Variants in CASZ1 observed in about 807,000 individuals in gnomAD.
CASZ1 encodes the protein castor zinc finger 1.
Under a neutral mutation model 135.2 loss-of-function variants are expected in CASZ1, and 28 were observed. The ratio of observed to expected loss-of-function variants is 0.21; its 90% CI spans 0.15 to 0.28. CASZ1 has a LOEUF of 0.28. CASZ1 is among the 10% of genes least tolerant of loss of function. CASZ1 has a pLI of 1.00. For missense variants in CASZ1, 2,161 were observed against 2,453.3 expected (o/e 0.88, Z 2.52); for synonymous variants, 1,068 against 1,073.4 (o/e 0.99, Z 0.10).
rs117454892 is a variant in CASZ1, at chr1:10,679,241, G to A, written c.17-13670C>T. ...CTGGGAGCCTGCTGCCCTGCCAAAG[G>A]GCCCCTGCTGCCTCCAGGACAGAGC... On this transcript the variant is annotated intron_variant, in intron 4 of 20. Coordinates refer to ENST00000377022, the MANE Select transcript of CASZ1 (RefSeq NM_001079843.3). This position sits in a 1 kb window ranked among gnomAD's most constrained non-coding sequence, Gnocchi z 4.7. Among the ~76,000 whole-genome samples the A allele has an allele frequency of 9.1e-3, 1,379 of 152,294 alleles. 21 individuals carry two copies. Among genetic ancestry groups the A allele is most frequent in the East Asian group, 0.04 (209 of 5,180 alleles).
chr1:10,783,378 C>T (rs1570589577), intron 1 of CASZ1, among the ~76,000 whole-genome samples: 1 of 151,532 alleles, frequency 6.6e-6, no homozygotes. Context: ...CATTCCAGGG[C>T]AGTTCCAAGT....
rs1427805536 is a variant in CASZ1 at position 10,649,369 on chromosome 1, A to C, written c.2949T>G (p.Ala983=). ...NIKAEAEGSP[A]AEPSPFLGKA... ...TGCCTAGGAAGGGCGAGGGCTCCGC[A>C]GCGGGGCTCCCCTCCGCTTCCGCCT... The change falls in exon 14 of 21, where the codon GCT becomes GCG. Residue 983 remains alanine, a synonymous_variant. Transcript: ENST00000377022. 6.2e-7 allele frequency: 1 copy of C among 1,606,588 alleles called. No individual in the cohort carries two copies. Among genetic ancestry groups the C allele is most frequent in the Admixed American group, 1.7e-5 (1 of 59,172 alleles).
At chr1:10,768,519 A>G (rs578159928) in intron 1 of CASZ1, among the ~76,000 whole-genome samples, 2 of 152,146 alleles carry the variant, frequency 1.3e-5, no homozygotes, top group South Asian at 2.1e-4. Context: ...CACCTGGCCT[A>G]TTGTTCATTT....
Position 10,653,637 on chromosome 1 carries a change from C to A in CASZ1, c.2420G>T (p.Gly807Val). 1.3e-6 allele frequency: 2 copies of A among 1,549,864 alleles called. No individual in the cohort carries two copies. The highest frequency in any genetic ancestry group is 1.7e-6 in the Non-Finnish European group (2 of 1,147,276). The change falls in exon 11 of 21, where the codon GGC (glycine) becomes GTC (valine). Residue 807 changes from glycine (G) to valine (V), a missense_variant. Physicochemically the swap from Gly to Val is moderately radical, Grantham distance 109. Coordinates refer to ENST00000377022, the MANE Select transcript of CASZ1 (RefSeq NM_001079843.3). ...CACAGGCAGGGAGGTGCTCCCACGG[C>A]CAGCCAGTATGGGGAAGTAGGGCGT... ...TPTPYFPILAGRGSTSLPVGT... is the reference protein window; with the variant it reads ...TPTPYFPILAVRGSTSLPVGT...
At chr1:10,689,305 G>A (rs1003844499) in intron 4 of CASZ1, among the ~76,000 whole-genome samples, 6 of 152,330 alleles carry the variant, frequency 3.9e-5, no homozygotes, top group African/African-American at 1.4e-4. Context: ...CCACTTTCAC[G>A]AGGAGATGCC....
chr1:10,789,888 T>C (rs1415212393), intron 1 of CASZ1, among the ~76,000 whole-genome samples: 1 of 152,196 alleles, frequency 6.6e-6, no homozygotes, highest in African/African-American at 2.4e-5. Context: ...AACGCTTGAT[T>C]AATTTTTGCA....
chr1:10,653,523 C>T lies in CASZ1; in HGVS notation c.2534G>A (p.Gly845Glu), dbSNP rs1388105617. 1.9e-6 allele frequency: 3 copies of T among 1,607,096 alleles called. No individual in the cohort carries two copies. The highest frequency in any genetic ancestry group is 1.7e-4 in the Middle Eastern group (1 of 6,040). ...DTPTLVASGAGDSAPVAAASV... is the reference protein window; with the variant it reads ...DTPTLVASGAEDSAPVAAASV... ...GGCGGCAGCCACGGGGGCTGAGTCTCCAGCTCCCGAGGCGACCAGCGTGGG... is the reference window on the plus strand; with the variant it reads ...GGCGGCAGCCACGGGGGCTGAGTCTTCAGCTCCCGAGGCGACCAGCGTGGG... Residue 845 changes from glycine to glutamate, a missense_variant, in exon 11 of 21, where the codon GGA (glycine) becomes GAA (glutamate). Transcript: ENST00000377022.
Position 10,647,970 on chromosome 1 carries a change from C to T in CASZ1, c.3328G>A (p.Val1110Met), listed in dbSNP as rs1445358610. The part of the protein sequence containing the change: ...LEGPAPSPAS[V>M]PSTPTLLAWK... The stretch of plus-strand genomic sequence containing the variant: ...GCGAGCAGGGTGGGGGTGGAGGGCA[C>T]GGAGGCCGGGCTGGGAGCGGGCCCC... Residue 1110 changes from valine (V) to methionine (M), a missense_variant, in exon 16 of 21, where the codon GTG (valine) becomes ATG (methionine). This residue lies in a region of CASZ1 where 349 missense variants were observed against 460.8 expected (regional missense o/e 0.76). Transcript: ENST00000377022. The surrounding 1 kb of genome is among the most constrained non-coding windows in gnomAD (Gnocchi z 4.9). 9 of 1,608,510 alleles carry T rather than the reference C, an allele frequency of 5.6e-6. No individual in the cohort carries two copies. Among genetic ancestry groups the T allele is most frequent in the East Asian group, 2.2e-5 (1 of 44,754 alleles).
intron 1 of CASZ1, among the ~76,000 whole-genome samples, chr1:10,770,097 T>G (rs1384336767): frequency 2.6e-5 from 4 of 152,180 alleles, no homozygotes; most frequent in Non-Finnish European, 5.9e-5. Flanking sequence ...TTTTCTTTCT[T>G]TTTTTGAGAC....
intron 2 of CASZ1, among the ~76,000 whole-genome samples, chr1:10,742,015 C>T (rs764088370): frequency 5.9e-5 from 9 of 152,144 alleles, no homozygotes; most frequent in Middle Eastern, 3.2e-3. Context: ...AACCCCACCA[C>T]GGCTGCTCGG....
chr1:10,712,756 G>T (rs1449800244), intron 2 of CASZ1, among the ~76,000 whole-genome samples: 1 of 152,190 alleles, frequency 6.6e-6, no homozygotes, highest in African/African-American at 2.4e-5. Context: ...GCACCCCCGC[G>T]GGCTGCCGTT....
At chr1:10,779,739 T>C (rs1016089472) in intron 1 of CASZ1, among the ~76,000 whole-genome samples, 8 of 152,250 alleles carry the variant, frequency 5.3e-5, no homozygotes, top group Non-Finnish European at 1.2e-4. Context: ...TTCACTCATA[T>C]AATAAACATT....
chr1:10,746,152 C>A (rs1032638876), intron 2 of CASZ1, among the ~76,000 whole-genome samples: 2 of 152,232 alleles, frequency 1.3e-5, no homozygotes, highest in East Asian at 3.9e-4. Context: ...TTCCCGCTGT[C>A]CAGGCCTCTG....
intron 4 of CASZ1, among the ~76,000 whole-genome samples, chr1:10,687,658 G>C (rs893035623): frequency 2.6e-5 from 4 of 152,240 alleles, no homozygotes; most frequent in African/African-American, 7.2e-5. Context: ...GTCTGCTCAG[G>C]AGGAGAGAGA....
rs527534026 is a variant in CASZ1, at chr1:10,711,167, C to T, written c.-76-5623G>A. ...AAAGAAAAAGACAGCATACAAAAGT[C>T]GAGTTGGTGAGAATTGAGTTTGAAT... On this transcript the variant is annotated intron_variant, in intron 2 of 20. Coordinates refer to ENST00000377022, the MANE Select transcript of CASZ1 (RefSeq NM_001079843.3). The surrounding 1 kb of genome is among the most constrained non-coding windows in gnomAD (Gnocchi z 4.4). Among the ~76,000 whole-genome samples the T allele has an allele frequency of 5.9e-5, 9 of 152,270 alleles. 1 individual carries two copies. The highest frequency in any genetic ancestry group is 4.2e-4 in the South Asian group (2 of 4,818).
chr1:10,667,829 C>T (rs1427794892), intron 4 of CASZ1, among the ~76,000 whole-genome samples: 1 of 151,896 alleles, frequency 6.6e-6, no homozygotes, highest in Non-Finnish European at 1.5e-5. Flanking sequence ...CTGGAGCCTC[C>T]CCGCACTTTG....
At chr1:10,644,153 C>A (rs1420681004) in intron 18 of CASZ1, among the ~76,000 whole-genome samples, 2 of 152,066 alleles carry the variant, frequency 1.3e-5, no homozygotes, top group African/African-American at 4.8e-5. Context: ...ACGGGCCTTG[C>A]CTGCAGCCCA....
intron 4 of CASZ1, among the ~76,000 whole-genome samples, chr1:10,689,115 G>T (rs1638686327): frequency 6.6e-6 from 1 of 152,118 alleles, no homozygotes; most frequent in South Asian, 2.1e-4. Flanking sequence ...GGGCCAGGTG[G>T]AGAAATGGCT....
chr1:10,715,050 CG>C (rs1639352927), intron 2 of CASZ1, among the ~76,000 whole-genome samples: 1 of 152,196 alleles, frequency 6.6e-6, no homozygotes. Context: ...AGGGAGCACA[CG>C]GGCTCCACCT....
Sources: gnomAD v4.1 joint callset for allele counts (sites outside exome capture counted in the v4.1 genomes callset) on GRCh38, gnomAD v4.1.1 for gene constraint, gnomAD v4.1.1 regional missense constraint, Gnocchi (gnomAD v3.1) non-coding constraint, MANE v1.5 for transcripts, NCBI Gene and HGNC (gene_info 2026-07-23, HGNC 2026-07-21) for gene names.